ADNP: variants seen among roughly 807,000 people sequenced by gnomAD.
ADNP encodes activity dependent neuroprotector homeobox.
A neutral mutation model predicts 84.9 loss-of-function variants in ADNP; 4 were observed. That is an observed-to-expected ratio of 0.05 (90% CI 0.02 to 0.11). The LOEUF is 0.11. Among genes scored for constraint, ADNP ranks in the 10% least tolerant of loss-of-function variants. The pLI is 1.00. For missense variants in ADNP, 1,132 were observed against 1,326.0 expected (o/e 0.85, Z 2.27); for synonymous variants, 554 against 468.1 (o/e 1.18, Z -2.37).
At chr20:50,906,767 G>C (rs1173837541) in intron 2 of ADNP, among the ~76,000 whole-genome samples, 1 of 152,140 alleles carries the variant, frequency 6.6e-6, no homozygotes, top group East Asian at 1.9e-4. Context: ...TTAGTTGTAA[G>C]AAACTTGTAA....
chr20:50,901,060 C>G (rs1195766797), intron 5 of ADNP, among the ~76,000 whole-genome samples: 1 of 152,074 alleles, frequency 6.6e-6, no homozygotes, highest in African/African-American at 2.4e-5. Flanking sequence ...ATTGTTAACA[C>G]CTATGCAGTC....
rs1011103905 is a variant in ADNP at position 50,890,045 on chromosome 20, T to A, written c.*1360A>T. The stretch of plus-strand genomic sequence containing the variant: ...CAATCCATGTTTACATTTTTTTTTT[T>A]ATCATTGAGACATTTACATATATAT... On this transcript the variant is annotated 3_prime_UTR_variant, in exon 6 of 6. Coordinates refer to ENST00000621696, the MANE Select transcript of ADNP (RefSeq NM_001282531.3). 3.5e-5 allele frequency: 13 copies of A among 371,040 alleles called. No individual in the cohort carries two copies. The highest frequency in any genetic ancestry group is 3.0e-4 in the South Asian group (2 of 6,712). 23.0% of individuals were successfully genotyped at this position (371,040 alleles called of 1,614,324 possible).
At chr20:50,914,190 T>G in intron 2 of ADNP, 1 of 773,204 alleles carries the variant, frequency 1.3e-6, no homozygotes, top group Non-Finnish European at 2.3e-6. Context: ...TCAAGATGAT[T>G]CATATCCTTC....
intron 5 of ADNP, among the ~76,000 whole-genome samples, chr20:50,900,594 T>C (rs1981872329): frequency 6.6e-6 from 1 of 152,246 alleles, no homozygotes; most frequent in African/African-American, 2.4e-5. Flanking sequence ...AATTATATTC[T>C]TATGGGACCA....
chr20:50,920,281 A>AGAAAG (rs1278778577), intron 2 of ADNP, among the ~76,000 whole-genome samples: 15 of 139,212 alleles, frequency 1.1e-4, no homozygotes, highest in African/African-American at 4.3e-4. Context: ...AAAAAAAAAA[A>AGAAAG]AAAGAAAGAA....
Position 50,925,379 on chromosome 20 carries a change from G to C in ADNP, c.-90+3272C>G, listed in dbSNP as rs1406696424. 2.0e-5 allele frequency among the ~76,000 whole-genome samples: 3 copies of C among 152,098 alleles called. No individual in the cohort carries two copies. The South Asian group carries it at 6.2e-4, about 32-fold the overall frequency. Reference sequence around the variant, plus strand: ...TTCTCATTCCAGTGAAGCAGAATATGAATTCTCACTTAAGCTGACCCCAAA... The same window carrying C: ...TTCTCATTCCAGTGAAGCAGAATATCAATTCTCACTTAAGCTGACCCCAAA... On this transcript the variant is annotated intron_variant, in intron 2 of 5. Transcript: ENST00000621696.
chr20:50,888,939 T>C lies in ADNP; in HGVS notation c.*2466A>G, dbSNP rs1980359951. 1 of 152,084 alleles carries C rather than the reference T, an allele frequency of 6.6e-6. No homozygotes were observed. The highest frequency in any genetic ancestry group is 2.4e-5 in the African/African-American group (1 of 41,406). 9.4% of individuals were successfully genotyped at this position (152,084 alleles called of 1,614,324 possible). On this transcript the variant is annotated 3_prime_UTR_variant, in exon 6 of 6. Coordinates refer to ENST00000621696, the MANE Select transcript of ADNP (RefSeq NM_001282531.3). ...TCTGTAGGATACTTAGGTTTTCTCA[T>C]GTTAGAAGTGTTCAGCCTACATTTA... is the stretch of plus-strand genomic sequence containing the variant.
chr20:50,905,602 C>G (rs1982396894), intron 2 of ADNP: 1 of 152,080 alleles, frequency 6.6e-6, no homozygotes, highest in Admixed American at 6.6e-5. Flanking sequence ...TTAGAAGTCT[C>G]AAAATATTCT....
intron 2 of ADNP, among the ~76,000 whole-genome samples, chr20:50,907,813 G>C (rs370151545): frequency 3.3e-5 from 5 of 150,040 alleles, no homozygotes; most frequent in African/African-American, 1.2e-4. Flanking sequence ...GCCCAAGCTG[G>C]TCCTGAACTC....
chr20:50,915,676 G>T (rs925676619), intron 2 of ADNP, among the ~76,000 whole-genome samples: 1 of 152,116 alleles, frequency 6.6e-6, no homozygotes, highest in Non-Finnish European at 1.5e-5. Context: ...GGGGCAGAAT[G>T]TTCTTCTGGA....
intron 2 of ADNP, among the ~76,000 whole-genome samples, chr20:50,925,122 TAC>T (rs1400849025): frequency 1.3e-5 from 2 of 152,174 alleles, no homozygotes; most frequent in East Asian, 1.9e-4. Flanking sequence ...ACTGAATTAA[TAC>T]ACAGAGATGA....
chr20:50,921,399 C>A (rs1019780583), intron 2 of ADNP, among the ~76,000 whole-genome samples: 1 of 152,218 alleles, frequency 6.6e-6, no homozygotes, highest in African/African-American at 2.4e-5. Context: ...AACTGAACAT[C>A]TGCAACTATC....
intron 2 of ADNP, among the ~76,000 whole-genome samples, chr20:50,920,596 G>C (rs1199919496): frequency 1.3e-5 from 2 of 148,982 alleles, no homozygotes; most frequent in Non-Finnish European, 3.0e-5. Flanking sequence ...TTAAGTAAAA[G>C]AGTAGATACC....
intron 2 of ADNP, among the ~76,000 whole-genome samples, chr20:50,920,019 C>T (rs1348437025): frequency 6.6e-6 from 1 of 152,104 alleles, no homozygotes; most frequent in African/African-American, 2.4e-5. Flanking sequence ...TGGCTCATGC[C>T]TGAAATCCCA....
chr20:50,920,149 C>T (rs906403337), intron 2 of ADNP, among the ~76,000 whole-genome samples: 9 of 150,452 alleles, frequency 6.0e-5, no homozygotes, highest in African/African-American at 2.2e-4. Flanking sequence ...TGGTGGTGTG[C>T]GCCTGTAATC....
chr20:50,895,126 G>C (rs1356775160), intron 5 of ADNP, among the ~76,000 whole-genome samples: 1 of 152,200 alleles, frequency 6.6e-6, no homozygotes, highest in East Asian at 1.9e-4. Flanking sequence ...TAACCTAAAT[G>C]AAGGAAGTTA....
chr20:50,926,256 G>C (rs189159012), intron 2 of ADNP, among the ~76,000 whole-genome samples: 89 of 152,326 alleles, frequency 5.8e-4, no homozygotes, highest in East Asian at 7.7e-4. Flanking sequence ...TCAGTCAAGA[G>C]AATGAAGGTT....
intron 2 of ADNP, among the ~76,000 whole-genome samples, chr20:50,927,244 A>G (rs948419089): frequency 6.6e-6 from 1 of 152,198 alleles, no homozygotes; most frequent in Non-Finnish European, 1.5e-5. Flanking sequence ...CACAGTGGGC[A>G]TGTATAAAAT....
chr20:50,913,053 C>A (rs1983187690), intron 2 of ADNP, among the ~76,000 whole-genome samples: 2 of 151,728 alleles, frequency 1.3e-5, no homozygotes, highest in Admixed American at 6.6e-5. Flanking sequence ...GAATTCACGA[C>A]CAGCCTGGCC....
Sources: allele counts gnomAD v4.1 joint callset (sites outside exome capture counted in the v4.1 genomes callset), GRCh38; gene constraint gnomAD v4.1.1; transcripts MANE v1.5; gene names NCBI Gene and HGNC (gene_info 2026-07-23, HGNC 2026-07-21).